Variants in MSRA observed in about 807,000 individuals in gnomAD.
MSRA encodes methionine sulfoxide reductase A.
A neutral mutation model predicts 31.3 loss-of-function variants in MSRA; 54 were observed. The ratio of observed to expected loss-of-function variants is 1.73; its 90% confidence interval spans 1.39 to 2.17. The LOEUF (loss-of-function observed/expected upper bound fraction) is 2.17, where lower values mean the gene tolerates loss of function less well. MSRA is among the 30% of genes most tolerant of loss of function. MSRA has a pLI of 0.00. For missense variants in MSRA, 507 were observed against 300.9 expected (o/e 1.69, Z -5.07); for synonymous variants, 169 against 116.5 (o/e 1.45, Z -2.90).
intron 5 of MSRA, among the ~76,000 whole-genome samples, chr8:10,397,170 G>C (rs934142335): frequency 6.6e-6 from 1 of 152,204 alleles, no homozygotes; most frequent in Admixed American, 6.5e-5. Flanking sequence ...CCTTCTGCTA[G>C]AATGTATATT....
intron 5 of MSRA, among the ~76,000 whole-genome samples, chr8:10,419,212 G>A (rs533400550): frequency 6.6e-6 from 1 of 152,242 alleles, no homozygotes; most frequent in South Asian, 2.1e-4. Flanking sequence ...CCTCTCACGT[G>A]TCGCAGGACA....
chr8:10,191,014 G>A (rs1449553949), intron 1 of MSRA, among the ~76,000 whole-genome samples: 5 of 152,182 alleles, frequency 3.3e-5, no homozygotes, highest in Admixed American at 3.3e-4. Flanking sequence ...GAGCAGAGAT[G>A]TTGAGGATTT....
At chr8:10,169,582 A>T (rs1805426459) in intron 1 of MSRA, among the ~76,000 whole-genome samples, 1 of 152,220 alleles carries the variant, frequency 6.6e-6, no homozygotes, top group African/African-American at 2.4e-5. Flanking sequence ...TAGATAAGAC[A>T]CAAAAACCAG....
intron 1 of MSRA, among the ~76,000 whole-genome samples, chr8:10,169,576 T>A (rs926753198): frequency 6.6e-6 from 1 of 152,130 alleles, no homozygotes; most frequent in Admixed American, 6.5e-5. Flanking sequence ...GATTCTTAGA[T>A]AAGACACAAA....
intron 1 of MSRA, among the ~76,000 whole-genome samples, chr8:10,073,836 C>G (rs1212281353): frequency 6.6e-6 from 1 of 151,846 alleles, no homozygotes; most frequent in African/African-American, 2.4e-5. Context: ...TGACAGTTAC[C>G]CTGAACAAAT....
chr8:10,333,091 T>C (rs924008839), intron 5 of MSRA, among the ~76,000 whole-genome samples: 1 of 152,186 alleles, frequency 6.6e-6, no homozygotes, highest in Admixed American at 6.5e-5. Flanking sequence ...AGGAGACATT[T>C]TTGATTTTAG....
chr8:10,054,758 G>A (rs921376924), intron 1 of MSRA, 100 bp downstream of exon 1: 2 of 1,271,086 alleles, frequency 1.6e-6, no homozygotes, highest in East Asian at 3.3e-5. Context: ...GCCGTGGGCT[G>A]GCCTCGGGCG....
At chr8:10,296,336 C>T (rs1800540371) in intron 3 of MSRA, among the ~76,000 whole-genome samples, 1 of 152,218 alleles carries the variant, frequency 6.6e-6, no homozygotes, top group Non-Finnish European at 1.5e-5. Flanking sequence ...TGTACGGAAA[C>T]ACGAAAGGTT....
intron 1 of MSRA, among the ~76,000 whole-genome samples, chr8:10,066,001 A>G (rs1381013186): frequency 6.7e-6 from 1 of 148,792 alleles, no homozygotes; most frequent in Admixed American, 6.7e-5. Flanking sequence ...TAAAATAATT[A>G]TTAATATAAC....
At chr8:10,095,397 G>C (rs17151064) in intron 1 of MSRA, among the ~76,000 whole-genome samples, 3,017 of 152,282 alleles carry the variant, frequency 0.02, 81 homozygotes, top group African/African-American at 0.068. Context: ...CGATGCTGTT[G>C]GTGCCAGGAT....
chr8:10,234,159 A>G (rs1246743885), intron 2 of MSRA, among the ~76,000 whole-genome samples: 7 of 152,178 alleles, frequency 4.6e-5, no homozygotes, highest in Admixed American at 3.9e-4. Context: ...TTTTAAAGAT[A>G]TATTTCAGTA....
chr8:10,156,199 G>A (rs1020658916), intron 1 of MSRA, among the ~76,000 whole-genome samples: 5 of 152,124 alleles, frequency 3.3e-5, no homozygotes, highest in East Asian at 1.9e-4. Flanking sequence ...AAACTTGGTC[G>A]GATTCCATAT....
intron 3 of MSRA, among the ~76,000 whole-genome samples, chr8:10,298,196 T>C (rs1366454691): frequency 6.6e-6 from 1 of 152,184 alleles, no homozygotes; most frequent in African/African-American, 2.4e-5. Context: ...AGTAGCATTG[T>C]TTGCAGTGGT....
chr8:10,260,980 T>C (rs1798449519), intron 3 of MSRA, among the ~76,000 whole-genome samples: 1 of 152,216 alleles, frequency 6.6e-6, no homozygotes, highest in Admixed American at 6.5e-5. Context: ...ACAATAACTT[T>C]CATGGAAATA....
chr8:10,205,579 T>C (rs1360497596), intron 1 of MSRA, among the ~76,000 whole-genome samples: 1 of 152,164 alleles, frequency 6.6e-6, no homozygotes, highest in Non-Finnish European at 1.5e-5. Context: ...CAGACCTTGA[T>C]GGATTGTCCT....
intron 2 of MSRA, among the ~76,000 whole-genome samples, chr8:10,242,270 C>CAAA (rs11368200): frequency 7.2e-6 from 1 of 138,834 alleles, no homozygotes. Context: ...GACTCCATCT[C>CAAA]AAAAAAAAAA....
chr8:10,195,016 C>T (rs1428393855), intron 1 of MSRA, among the ~76,000 whole-genome samples: 1 of 152,180 alleles, frequency 6.6e-6, no homozygotes, highest in Non-Finnish European at 1.5e-5. Flanking sequence ...TGATTTTTCC[C>T]TCAATTAACT....
intron 4 of MSRA, among the ~76,000 whole-genome samples, chr8:10,319,404 A>G (rs920913695): frequency 6.6e-6 from 1 of 152,148 alleles, no homozygotes; most frequent in Non-Finnish European, 1.5e-5. Context: ...GACTTTAGTC[A>G]TAGGTGCAGG....
intron 1 of MSRA, among the ~76,000 whole-genome samples, chr8:10,086,746 A>T (rs1310264411): frequency 6.6e-6 from 1 of 152,128 alleles, no homozygotes; most frequent in African/African-American, 2.4e-5. Context: ...GTACTCAGTA[A>T]ATACTTAATA....
Sources: gnomAD v4.1 joint callset for allele counts (sites outside exome capture counted in the v4.1 genomes callset) on GRCh38, gnomAD v4.1.1 for gene constraint, MANE v1.5 for transcripts, NCBI Gene and HGNC (gene_info 2026-07-23, HGNC 2026-07-21) for gene names.